EPG5: variants seen among roughly 807,000 people sequenced by gnomAD.
EPG5 encodes ectopic P granules protein 5 homolog.
EPG5 carries 159 observed loss-of-function variants against 302.7 expected under a neutral mutation model. The observed-to-expected ratio is 0.53, with a 90% CI of 0.46 to 0.60. EPG5 has a LOEUF of 0.60. Among genes scored for constraint, EPG5 ranks in the 20% least tolerant of loss-of-function variants. EPG5 has a pLI of 0.00. For missense variants in EPG5, 2,896 were observed against 3,092.4 expected (o/e 0.94, Z 1.51); for synonymous variants, 1,158 against 1,136.8 (o/e 1.02, Z -0.37).
intron 16 of EPG5, among the ~76,000 whole-genome samples, chr18:45,919,430 C>T (rs1448252877): frequency 6.6e-6 from 1 of 151,864 alleles, no homozygotes; most frequent in Non-Finnish European, 1.5e-5. Context: ...ACAAGAAATT[C>T]GAGAAATCAT....
chr18:45,915,106 C>T (rs2049998849), intron 20 of EPG5, among the ~76,000 whole-genome samples: 2 of 152,100 alleles, frequency 1.3e-5, no homozygotes, highest in East Asian at 3.9e-4. Context: ...TGGAGAAACC[C>T]TGACTCTACT....
At chr18:45,901,915 T>A (rs538928318) in intron 25 of EPG5, among the ~76,000 whole-genome samples, 2 of 152,292 alleles carry the variant, frequency 1.3e-5, no homozygotes, top group East Asian at 1.9e-4. Flanking sequence ...ACAGTAGATA[T>A]CCAATAGATT....
the EPG5 span, among the ~76,000 whole-genome samples, chr18:45,839,980 G>A: frequency 2.6e-5 from 4 of 152,150 alleles, no homozygotes; most frequent in Non-Finnish European, 5.9e-5. Flanking sequence ...TTTGTGCTCA[G>A]GGTGCTCAGA....
At chr18:45,916,736 C>T in intron 17 of EPG5, 154 bp from the exon 18 acceptor site, 2 of 708,650 alleles carry the variant, frequency 2.8e-6, no homozygotes, top group Non-Finnish European at 4.4e-6. Context: ...ATAAAGTTTT[C>T]ACATTTAACA....
At chr18:45,912,707 A>C (rs770824782) in intron 21 of EPG5, among the ~76,000 whole-genome samples, 1 of 152,226 alleles carries the variant, frequency 6.6e-6, no homozygotes, top group Non-Finnish European at 1.5e-5. Context: ...TATGGGTCTT[A>C]AGAGTCATCT....
chr18:45,932,700 C>CA (rs2050422636), intron 11 of EPG5, among the ~76,000 whole-genome samples: 1 of 151,682 alleles, frequency 6.6e-6, no homozygotes, highest in Non-Finnish European at 1.5e-5. Flanking sequence ...GCAGGAGGAT[C>CA]AAATTTTGCA....
intron 39 of EPG5, among the ~76,000 whole-genome samples, chr18:45,862,385 T>C (rs1019709594): frequency 1.3e-5 from 2 of 152,206 alleles, no homozygotes; most frequent in African/African-American, 4.8e-5. Context: ...AAAAAGTCTA[T>C]GATGAGCACT....
chr18:45,948,645 C>G, intron 5 of EPG5, 69 bp from the exon 6 acceptor site: 14 of 1,303,848 alleles, frequency 1.1e-5, no homozygotes, highest in Non-Finnish European at 1.4e-5. Flanking sequence ...TCTTGGTTCA[C>G]AAGCATTCTG....
chr18:45,835,642 TC>T, the EPG5 span, among the ~76,000 whole-genome samples: 1 of 152,192 alleles, frequency 6.6e-6, no homozygotes, highest in Non-Finnish European at 1.5e-5. Context: ...GCTATTTCTG[TC>T]ATGTCCAATT....
At position 45,877,047 on chromosome 18, in the gene EPG5, G is replaced by A. The variant is rs561760911; in HGVS notation, c.5943-705C>T. Among the ~76,000 whole-genome samples the A allele has an allele frequency of 2.0e-5, 3 of 152,186 alleles. No individual in the cohort carries two copies. In the East Asian group the frequency reaches 5.9e-4, roughly 30 times the overall value. On this transcript the variant is annotated intron_variant, in intron 34 of 43. Transcript: ENST00000282041. The stretch of plus-strand genomic sequence containing the variant: ...GATCCACCTGCCTTGGCCTCCCAAA[G>A]TACTGGGTTTACAGGCATGAGCCAC...
intron 16 of EPG5, among the ~76,000 whole-genome samples, chr18:45,918,814 T>C (rs543439266): frequency 3.9e-5 from 6 of 152,126 alleles, no homozygotes; most frequent in African/African-American, 1.2e-4. Context: ...TAAAGAAAAG[T>C]TATTTGTGGA....
At chr18:45,809,702 C>G in the EPG5 span, among the ~76,000 whole-genome samples, 9 of 151,956 alleles carry the variant, frequency 5.9e-5, no homozygotes, top group Admixed American at 3.3e-4. Context: ...CTATCAAAAC[C>G]TCTGGGATAC....
chr18:45,966,407 T>C (rs776338658), intron 1 of EPG5, among the ~76,000 whole-genome samples: 88 of 145,120 alleles, frequency 6.1e-4, no homozygotes, highest in Admixed American at 6.7e-4. Context: ...TATACATATA[T>C]ATACACACAC....
At chr18:45,951,346 G>T in intron 3 of EPG5, 108 bp from the exon 4 acceptor site, 1 of 716,346 alleles carries the variant, frequency 1.4e-6, no homozygotes, top group Non-Finnish European at 2.0e-6. Flanking sequence ...AATATTTAGT[G>T]CAGATAAAAG....
chr18:45,823,932 C>A, the EPG5 span, among the ~76,000 whole-genome samples: 1 of 152,230 alleles, frequency 6.6e-6, no homozygotes, highest in East Asian at 1.9e-4. Flanking sequence ...TAGTGCTGAG[C>A]ACCTGAACCT....
intron 10 of EPG5, among the ~76,000 whole-genome samples, chr18:45,937,569 G>T (rs1221381729): frequency 6.6e-6 from 1 of 152,002 alleles, no homozygotes; most frequent in Admixed American, 6.6e-5. Context: ...ACCACGCCCA[G>T]CTAATTTTTG....
the EPG5 span, chr18:45,825,767 G>A: frequency 2.3e-5 from 37 of 1,614,206 alleles, no homozygotes; most frequent in East Asian, 7.8e-4. Context: ...GCTTGGCGTG[G>A]GTTCTCCCGA....
rs1329393625 is a variant in EPG5, at chr18:45,948,650, A to C, written c.1498-74T>G. The C allele has an allele frequency of 1.7e-5, 21 of 1,217,734 alleles. No individual in the cohort carries two copies. In the East Asian group the frequency reaches 5.2e-4, roughly 30 times the overall value. 75.4% of individuals were successfully genotyped at this position (1,217,734 alleles called of 1,614,324 possible). ...GTGTCCATAATCTTGGTTCACAAGC[A>C]TTCTGACCAAAGTTGCTGTTAAGAG... is the stretch of plus-strand genomic sequence containing the variant. On this transcript the variant is annotated intron_variant, in intron 5 of 43. Transcript: ENST00000282041.
chr18:45,879,581 C>T (rs1158046052), intron 32 of EPG5, among the ~76,000 whole-genome samples: 1 of 152,192 alleles, frequency 6.6e-6, no homozygotes, highest in African/African-American at 2.4e-5. Flanking sequence ...GTTGCCCAGG[C>T]TGGTCTCGAA....
Sources: allele counts gnomAD v4.1 joint callset (sites outside exome capture counted in the v4.1 genomes callset), GRCh38; gene constraint gnomAD v4.1.1; transcripts MANE v1.5; gene names NCBI Gene and HGNC (gene_info 2026-07-23, HGNC 2026-07-21).